SLC24A4: variants seen among roughly 807,000 people sequenced by gnomAD.
SLC24A4 encodes sodium/potassium/calcium exchanger 4.
SLC24A4 carries 53 observed loss-of-function variants against 79.0 expected under a neutral mutation model. That is an observed-to-expected ratio of 0.67 (90% CI 0.54 to 0.84). SLC24A4 has a LOEUF of 0.84. SLC24A4 is among the 40% of genes least tolerant of loss of function. The pLI is 0.00. For missense variants in SLC24A4, 731 were observed against 822.0 expected (o/e 0.89, Z 1.35); for synonymous variants, 323 against 323.8 (o/e 1.00, Z 0.03).
At chr14:92,487,241 G>A (rs1397211729) in intron 14 of SLC24A4, among the ~76,000 whole-genome samples, 1 of 152,192 alleles carries the variant, frequency 6.6e-6, no homozygotes, top group African/African-American at 2.4e-5. Flanking sequence ...TTACTACGTG[G>A]CATGGGCTGA....
chr14:92,419,841 A>G (rs1891181694), intron 2 of SLC24A4, among the ~76,000 whole-genome samples: 1 of 152,222 alleles, frequency 6.6e-6, no homozygotes, highest in Non-Finnish European at 1.5e-5. Flanking sequence ...AGATATGGTG[A>G]AGTCCTAACC....
In SLC24A4 at chr14:92,486,654, C is replaced by G. The variant is rs1227429147; in HGVS notation, c.1423-12C>G. 1.9e-6 allele frequency: 3 copies of G among 1,575,862 alleles called. No homozygotes were observed. The highest frequency in any genetic ancestry group is 1.7e-5 in the Admixed American group (1 of 59,952). On this transcript the variant is annotated splice_polypyrimidine_tract_variant and intron_variant, in intron 13 of 16. Transcript: ENST00000532405. ...TGGTTGAGAGTTCATGTCTCCACCC[C>G]ACATTCTGCAGGTGACTATTATCGG...
chr14:92,474,823 A>ATGTGTGTG (rs1491299476), intron 12 of SLC24A4, among the ~76,000 whole-genome samples: 5 of 8,884 alleles, frequency 5.6e-4, no homozygotes, highest in Non-Finnish European at 1.6e-3. Flanking sequence ...ATATATATAC[A>ATGTGTGTG]TATATATGTG....
chr14:92,449,306 AC>A lies in SLC24A4; in HGVS notation c.880+91del. 4 of 1,307,730 alleles carry A rather than the reference AC, an allele frequency of 3.1e-6. No homozygotes were observed. In the Admixed American group the frequency reaches 8.7e-5, roughly 28 times the overall value. 81.0% of individuals were successfully genotyped at this position (1,307,730 alleles called of 1,614,324 possible). On this transcript the variant is annotated intron_variant, in intron 10 of 16. Coordinates refer to ENST00000532405, the MANE Select transcript of SLC24A4 (RefSeq NM_153646.4). ...TACACACACACACACACACACACAC[AC>A]ACACACACACACACACCCTCTCACA...
At chr14:92,400,100 G>T (rs1045451246) in intron 2 of SLC24A4, among the ~76,000 whole-genome samples, 3 of 152,064 alleles carry the variant, frequency 2.0e-5, no homozygotes, top group African/African-American at 7.2e-5. Context: ...AATTGGTGGT[G>T]TTCTGTTAAT....
intron 12 of SLC24A4, among the ~76,000 whole-genome samples, chr14:92,477,894 T>C (rs1236290762): frequency 6.6e-6 from 1 of 151,718 alleles, no homozygotes; most frequent in Non-Finnish European, 1.5e-5. Flanking sequence ...GTGATCCTCA[T>C]TCCATTCCAT....
At chr14:92,414,610 C>A (rs1290407607) in intron 2 of SLC24A4, among the ~76,000 whole-genome samples, 1 of 152,106 alleles carries the variant, frequency 6.6e-6, no homozygotes, top group African/African-American at 2.4e-5. Flanking sequence ...CATGAAGATG[C>A]ATGCCTGTAG....
At chr14:92,448,230 C>T (rs528898884) in intron 9 of SLC24A4, among the ~76,000 whole-genome samples, 2 of 152,172 alleles carry the variant, frequency 1.3e-5, no homozygotes, top group South Asian at 4.2e-4. Context: ...GTTTGGGAAC[C>T]GTGCTGATGG....
chr14:92,439,528 C>A, intron 4 of SLC24A4, 119 bp downstream of exon 4: 1 of 920,518 alleles, frequency 1.1e-6, no homozygotes, highest in Non-Finnish European at 1.8e-6. Context: ...GACTGTCACA[C>A]CGAGCACTTA....
chr14:92,397,733 A>G (rs773283548), intron 2 of SLC24A4, among the ~76,000 whole-genome samples: 1 of 152,214 alleles, frequency 6.6e-6, no homozygotes, highest in Non-Finnish European at 1.5e-5. Flanking sequence ...GAAGGAACGA[A>G]TAAGATTTCT....
At chr14:92,442,308 G>A in intron 5 of SLC24A4, 135 bp downstream of exon 5, 3 of 661,568 alleles carry the variant, frequency 4.5e-6, no homozygotes, top group South Asian at 3.7e-5. Flanking sequence ...GCAGTAAGTA[G>A]ACTGGTGGTT....
chr14:92,343,583 TC>T (rs1275207381), intron 2 of SLC24A4, among the ~76,000 whole-genome samples: 2 of 67,732 alleles, frequency 3.0e-5, no homozygotes, highest in Non-Finnish European at 6.1e-5. Flanking sequence ...ATTACTGTTT[TC>T]TTTCTTTCTT....
At chr14:92,484,959 A>T in intron 13 of SLC24A4, 1 of 869,608 alleles carries the variant, frequency 1.1e-6, no homozygotes, top group Non-Finnish European at 1.4e-6. Flanking sequence ...TGTGTACATT[A>T]TACCCAATTT....
chr14:92,492,374 A>G (rs1895730254), intron 16 of SLC24A4, 134 bp downstream of exon 16: 1 of 786,128 alleles, frequency 1.3e-6, no homozygotes, highest in Non-Finnish European at 2.1e-6. Context: ...GAAAATGTAG[A>G]CGTTCATAGA....
At chr14:92,442,041 A>G in intron 4 of SLC24A4, 48 bp from the exon 5 acceptor site, 1 of 1,464,862 alleles carries the variant, frequency 6.8e-7, no homozygotes, top group South Asian at 1.1e-5. Context: ...AGTGATGTCC[A>G]GTACCCCCAC....
intron 3 of SLC24A4, among the ~76,000 whole-genome samples, chr14:92,435,974 C>T (rs960095510): frequency 1.5e-4 from 23 of 152,150 alleles, no homozygotes; most frequent in Non-Finnish European, 8.8e-5. Context: ...CTGAGTGCAC[C>T]GTGGGAATTT....
chr14:92,328,138 C>T (rs145326481), intron 2 of SLC24A4, among the ~76,000 whole-genome samples: 112 of 152,332 alleles, frequency 7.4e-4, no homozygotes, highest in African/African-American at 2.5e-3. Context: ...GCACAGCCCC[C>T]GGCTCTCAGG....
At position 92,492,054 on chromosome 14, in the gene SLC24A4, A is replaced by G. The variant is rs2402168; in HGVS notation, c.1651-121A>G. The G allele has an allele frequency of 0.16, 140,907 of 886,246 alleles. 12,370 individuals carry two copies. The highest frequency in any genetic ancestry group is 0.25 in the East Asian group (10,178 of 40,866). 54.9% of individuals were successfully genotyped at this position (886,246 alleles called of 1,614,324 possible). ...CCTGACCCTCCACGACCATGTGGTCACCTGTAAACACCTGTGTTTTCCTGA... is the reference window on the plus strand; with the variant it reads ...CCTGACCCTCCACGACCATGTGGTCGCCTGTAAACACCTGTGTTTTCCTGA... On this transcript the variant is annotated intron_variant, in intron 15 of 16. Transcript: ENST00000532405.
rs61977312 is a variant in SLC24A4, at chr14:92,464,961, G to T, written c.1255+8353G>T. Among the ~76,000 whole-genome samples the T allele has an allele frequency of 8.5e-3, 1,291 of 152,204 alleles. 20 individuals carry two copies. The highest frequency in any genetic ancestry group is 0.03 in the African/African-American group (1,235 of 41,534). ...CTACACAGCAGAGTGTCCTCCAGCA[G>T]GCACCTGCTCTGGCCCCAGCACCGT... On this transcript the variant is annotated intron_variant, in intron 12 of 16. Transcript: ENST00000532405.
Sources: gnomAD v4.1 joint callset for allele counts (sites outside exome capture counted in the v4.1 genomes callset) on GRCh38, gnomAD v4.1.1 for gene constraint, MANE v1.5 for transcripts, NCBI Gene and HGNC (gene_info 2026-07-23, HGNC 2026-07-21) for gene names.